The following LIPF variants were observed in gnomAD, a reference collection of about 807,000 sequenced individuals.
LIPF encodes the protein lipase F, gastric type.
LIPF carries 25 observed loss-of-function variants against 38.0 expected under a neutral mutation model. The ratio of observed to expected loss-of-function variants is 0.66; its 90% CI spans 0.48 to 0.92. The LOEUF (loss-of-function observed/expected upper bound fraction) is 0.92, where lower values mean the gene tolerates loss of function less well. LIPF is among the 40% of genes least tolerant of loss of function. LIPF has a pLI of 0.00. For missense variants in LIPF, 410 were observed against 469.9 expected (o/e 0.87, Z 1.18); for synonymous variants, 161 against 156.2 (o/e 1.03, Z -0.23).
Position 88,675,379 on chromosome 10 carries a change from T to C in LIPF, c.817-207T>C, listed in dbSNP as rs140127140. 10 of 475,940 alleles carry C rather than the reference T, an allele frequency of 2.1e-5. No individual in the cohort carries two copies. The East Asian group carries it at 3.6e-4, about 17-fold the overall frequency. 29.5% of individuals were successfully genotyped at this position (475,940 alleles called of 1,614,324 possible). On this transcript the variant is annotated intron_variant, in intron 7 of 9. Coordinates refer to ENST00000238983, the MANE Select transcript of LIPF (RefSeq NM_004190.4). ...AAATGGAACTAATAAGTTCTCCTCATTAGGCAGCTACAAATTAAATGGGTT... is the reference window on the plus strand; with the variant it reads ...AAATGGAACTAATAAGTTCTCCTCACTAGGCAGCTACAAATTAAATGGGTT...
chr10:88,667,272 A>G lies in LIPF; in HGVS notation c.-11-15A>G. Reference sequence around the variant, plus strand: ...TAATGGATTAACCATGGCACGGGTTATTCTTTTCTTTCAGGCAGGTCCAAA... The same window carrying G: ...TAATGGATTAACCATGGCACGGGTTGTTCTTTTCTTTCAGGCAGGTCCAAA... On this transcript the variant is annotated splice_polypyrimidine_tract_variant and intron_variant, in intron 1 of 9. Transcript: ENST00000238983. 2 of 1,424,656 alleles carry G rather than the reference A, an allele frequency of 1.4e-6. No homozygotes were observed. Among genetic ancestry groups the G allele is most frequent in the Non-Finnish European group, 2.0e-6 (2 of 1,010,732 alleles). The allele number at this position is 1,424,656 out of a possible 1,614,324, so 88.3% of individuals were successfully genotyped here.
chr10:88,667,675 C>T lies in LIPF; in HGVS notation c.212C>T (p.Ser71Leu), dbSNP rs1841533910. Residue 71 changes from serine to leucine, a missense_variant, in exon 3 of 10, where the codon TCA becomes TTA. Transcript: ENST00000238983. The part of the protein sequence containing the change: ...VNRIPYGKKN[S>L]GNTGQRPVVF... ...AGAATTCCTTATGGGAAGAAAAATT[C>T]AGGGAATACAGGTATATATAAGCTT... 7.4e-7 allele frequency: 1 copy of T among 1,353,456 alleles called. No homozygotes were observed. Among genetic ancestry groups the T allele is most frequent in the African/African-American group, 1.4e-5 (1 of 69,656 alleles). The allele number at this position is 1,353,456 out of a possible 1,614,324, so 83.8% of individuals were successfully genotyped here.
intron 6 of LIPF, among the ~76,000 whole-genome samples, chr10:88,672,849 T>G (rs1841625467): frequency 6.6e-6 from 1 of 152,196 alleles, no homozygotes; most frequent in Non-Finnish European, 1.5e-5. Context: ...TGGAAAACTT[T>G]TATTAAAATC....
intron 6 of LIPF, among the ~76,000 whole-genome samples, chr10:88,673,217 T>C (rs1232504084): frequency 1.3e-5 from 2 of 152,208 alleles, no homozygotes; most frequent in African/African-American, 2.4e-5. Context: ...CCCAAACTTT[T>C]CACAATTTAT....
At chr10:88,675,766 T>G in intron 8 of LIPF, 109 bp downstream of exon 8, 1 of 644,274 alleles carries the variant, frequency 1.6e-6, no homozygotes, top group Non-Finnish European at 2.7e-6. Context: ...GAAGGTAATT[T>G]TTCTGGCACT....
chr10:88,677,086 A>C (rs1841700542), intron 9 of LIPF, among the ~76,000 whole-genome samples: 1 of 152,174 alleles, frequency 6.6e-6, no homozygotes, highest in Non-Finnish European at 1.5e-5. Context: ...GAACAACTCT[A>C]CTAATTTTCA....
At chr10:88,665,177 T>C (rs17286951) in intron 1 of LIPF, among the ~76,000 whole-genome samples, 297 of 152,330 alleles carry the variant, frequency 1.9e-3, no homozygotes, top group African/African-American at 6.8e-3. Flanking sequence ...CTTACCTTGC[T>C]TATTTGTAAA....
chr10:88,670,196 T>C (rs1464161599), intron 5 of LIPF, among the ~76,000 whole-genome samples: 2 of 152,190 alleles, frequency 1.3e-5, no homozygotes, highest in Non-Finnish European at 2.9e-5. Context: ...GCACATACTC[T>C]GAAGCATTAT....
rs750014604 is a variant in LIPF at position 88,673,681 on chromosome 10, T to C, written c.763T>C (p.Cys255Arg). 6.8e-6 allele frequency: 11 copies of C among 1,613,218 alleles called. No individual in the cohort carries two copies. The highest frequency in any genetic ancestry group is 2.5e-6 in the Non-Finnish European group (3 of 1,179,346). Residue 255 changes from cysteine to arginine, a missense_variant, in exon 7 of 10, where the codon TGC becomes CGC. Cys to Arg is a radical substitution (Grantham distance 180, BLOSUM62 -3). Transcript: ENST00000238983. ...VCSREMLNLL[C>R]SNALFIICGF... ...CTCCCGTGAGATGCTGAATCTCCTT[T>C]GCAGCAATGCCTTATTTATAATTTG...
intron 3 of LIPF, among the ~76,000 whole-genome samples, chr10:88,668,149 C>T (rs984347915): frequency 5.3e-5 from 8 of 151,666 alleles, no homozygotes; most frequent in Admixed American, 1.3e-4. Flanking sequence ...CACATACAGG[C>T]TAATTTTCAC....
chr10:88,666,622 C>T (rs1453364753), intron 1 of LIPF, among the ~76,000 whole-genome samples: 1 of 151,860 alleles, frequency 6.6e-6, no homozygotes, highest in African/African-American at 2.4e-5. Context: ...TTTGGGAAGC[C>T]CAGGCGGGAA....
At chr10:88,671,381 C>A (rs1331084723) in intron 5 of LIPF, among the ~76,000 whole-genome samples, 3 of 152,070 alleles carry the variant, frequency 2.0e-5, no homozygotes, top group Non-Finnish European at 2.9e-5. Flanking sequence ...AACCACAGAG[C>A]CAGGATTCAA....
At chr10:88,667,789 G>C (rs921041864) in intron 3 of LIPF, 103 bp downstream of exon 3, 1 of 592,360 alleles carries the variant, frequency 1.7e-6, no homozygotes, top group African/African-American at 2.0e-5. Context: ...TCCTTCTTTT[G>C]TTCTTCCCTT....
intron 1 of LIPF, 105 bp downstream of exon 1, chr10:88,664,596 C>G (rs1024785515): frequency 1.0e-4 from 16 of 152,606 alleles, no homozygotes; most frequent in Non-Finnish European, 2.4e-4. Flanking sequence ...TGCATATTCA[C>G]CTGCATAAAT....
chr10:88,670,631 A>C (rs1841581307), intron 5 of LIPF, among the ~76,000 whole-genome samples: 1 of 152,220 alleles, frequency 6.6e-6, no homozygotes, highest in Non-Finnish European at 1.5e-5. Flanking sequence ...AAGGAACAGC[A>C]GTGAGGCTAT....
chr10:88,670,675 CAG>C (rs368963387), intron 5 of LIPF, among the ~76,000 whole-genome samples: 14 of 152,236 alleles, frequency 9.2e-5, no homozygotes, highest in African/African-American at 3.4e-4. Flanking sequence ...GAGAAAGAGA[CAG>C]AGAGAGTGAG....
At chr10:88,665,378 A>G in intron 1 of LIPF, 2 of 587,086 alleles carry the variant, frequency 3.4e-6, no homozygotes, top group Non-Finnish European at 6.3e-6. Context: ...AGATGAGAAC[A>G]CTGTCTTAGC....
Position 88,678,528 on chromosome 10 carries a change from C to T in LIPF, c.1044C>T (p.Pro348=). 6.2e-7 allele frequency: 1 copy of T among 1,613,966 alleles called. No individual in the cohort carries two copies. The change falls in exon 10 of 10, where the codon CCC becomes CCT. Residue 348 remains proline, a synonymous_variant. Transcript: ENST00000238983. ...GTGGCAAGGACCTGTTGGCTGACCC[C>T]CAAGATGTTGGCCTTTTGCTTCCAA... ...WNGGKDLLAD[P]QDVGLLLPKL... is the part of the protein sequence containing the mutation.
chr10:88,672,660 ACACACACACACTCTCTCT>A (rs1439715456), intron 6 of LIPF, among the ~76,000 whole-genome samples: 1 of 125,544 alleles, frequency 8.0e-6, no homozygotes, highest in Non-Finnish European at 1.7e-5. Context: ...ACACACACAC[ACACACACACACTCTCTCT>A]CTCTCTCTCT....
Sources: allele counts gnomAD v4.1 joint callset (sites outside exome capture counted in the v4.1 genomes callset), GRCh38; gene constraint gnomAD v4.1.1; transcripts MANE v1.5; gene names NCBI Gene and HGNC (gene_info 2026-07-23, HGNC 2026-07-21).